The following ADRA1B variants were observed in gnomAD, a reference collection of about 807,000 sequenced individuals.
ADRA1B encodes the protein alpha-1B adrenergic receptor.
In ADRA1B, 17 loss-of-function variants were observed where a neutral mutation model predicts 17.9. The observed-to-expected ratio is 0.95, with a 90% CI of 0.65 to 1.42. ADRA1B has a LOEUF of 1.42. Among genes scored for constraint, ADRA1B ranks in the 40% most tolerant of loss-of-function variants. The probability of loss-of-function intolerance (pLI) is 0.00; values close to 1 mark genes in which losing one functional copy is unlikely to be tolerated. For synonymous variants in ADRA1B, 366 were observed against 327.6 expected (o/e 1.12, Z -1.27); for missense variants, 681 against 722.1 (o/e 0.94, Z 0.65).
chr5:159,988,591 A>T, the ADRA1B span, among the ~76,000 whole-genome samples: 3 of 152,222 alleles, frequency 2.0e-5, no homozygotes, highest in East Asian at 1.9e-4. Flanking sequence ...CTACAGAAGT[A>T]GATTTACTGA....
chr5:159,976,629 A>G (rs1015989084), downstream of ADRA1B, among the ~76,000 whole-genome samples: 3 of 151,626 alleles, frequency 2.0e-5, no homozygotes, highest in East Asian at 1.9e-4. Flanking sequence ...TAACTCCCAG[A>G]ACGAGTTATC....
intron 1 of ADRA1B, among the ~76,000 whole-genome samples, chr5:159,927,684 T>C (rs982171714): frequency 6.6e-6 from 1 of 152,184 alleles, no homozygotes; most frequent in Non-Finnish European, 1.5e-5. Flanking sequence ...AATAACCCTT[T>C]CTTATTTTCA....
chr5:159,878,162 C>T (rs1237239911), intron 1 of ADRA1B, among the ~76,000 whole-genome samples: 5 of 152,218 alleles, frequency 3.3e-5, no homozygotes, highest in African/African-American at 1.2e-4. Context: ...CCCAGCAGTC[C>T]TACAGTTGCC....
At chr5:159,973,235 T>C (rs1435566745), downstream of ADRA1B, among the ~76,000 whole-genome samples, 2 of 152,232 alleles carry the variant, frequency 1.3e-5, no homozygotes, top group Non-Finnish European at 2.9e-5. Context: ...CCTACAGGGC[T>C]GCACCAGTCT....
At position 159,939,310 on chromosome 5, in the gene ADRA1B, T is replaced by C. The variant is rs1197084292; in HGVS notation, c.949+21456T>C. On this transcript the variant is annotated intron_variant, in intron 1 of 1. Transcript: ENST00000306675. ...GTGTGTGTGTGTGTGTGTGTGTGTG[T>C]GTGTGTGTGTGTGCGCGCGCGCGCG... Among the ~76,000 whole-genome samples, 21 of 136,742 alleles carry C rather than the reference T, an allele frequency of 1.5e-4. No homozygotes were observed. In the East Asian group the frequency reaches 2.1e-3, roughly 13 times the overall value. 89.7% of individuals were successfully genotyped at this position (136,742 alleles called of 152,430 possible).
chr5:159,899,001 G>A (rs1039135435), intron 1 of ADRA1B, among the ~76,000 whole-genome samples: 5 of 152,022 alleles, frequency 3.3e-5, no homozygotes, highest in Non-Finnish European at 1.5e-5. Flanking sequence ...TTTTTAATTA[G>A]CCAAGTGTGG....
chr5:159,962,861 T>TTA (rs1442151612), intron 1 of ADRA1B, among the ~76,000 whole-genome samples: 1 of 144,104 alleles, frequency 6.9e-6, no homozygotes, highest in African/African-American at 2.6e-5. Context: ...TTTTTTTTTT[T>TTA]ACTTTTTGGC....
Position 159,950,437 on chromosome 5 carries a change from A to G in ADRA1B, c.950-21442A>G, listed in dbSNP as rs1755402258. On this transcript the variant is annotated intron_variant, in intron 1 of 1. Coordinates refer to ENST00000306675, the MANE Select transcript of ADRA1B (RefSeq NM_000679.4). ...CTGTGTGTGGCAGGGACTCCCCATC[A>G]GTGAGGGCTTCTCGCTTCCTCTCAT... The G allele has an allele frequency of 3.4e-6, 3 of 870,846 alleles. No homozygotes were observed. The African/African-American group carries it at 4.9e-5, about 14-fold the overall frequency. 53.9% of individuals were successfully genotyped at this position (870,846 alleles called of 1,614,324 possible).
At chr5:159,867,779 T>C (rs928710787) in intron 1 of ADRA1B, 1 of 152,222 alleles carries the variant, frequency 6.6e-6, no homozygotes, top group African/African-American at 2.4e-5. Flanking sequence ...AGAGTCCCTG[T>C]CATAATAGAG....
intron 1 of ADRA1B, among the ~76,000 whole-genome samples, chr5:159,966,417 T>G (rs1261735927): frequency 6.6e-6 from 1 of 152,170 alleles, no homozygotes; most frequent in Non-Finnish European, 1.5e-5. Context: ...AACTAAGGCT[T>G]AGGGACAGTA....
chr5:159,986,567 G>C, the ADRA1B span, among the ~76,000 whole-genome samples: 273 of 152,286 alleles, frequency 1.8e-3, no homozygotes, highest in Non-Finnish European at 3.5e-3. Flanking sequence ...ACTCAGAGAG[G>C]AGAAGAATCA....
At chr5:159,960,943 T>G (rs1038229577) in intron 1 of ADRA1B, among the ~76,000 whole-genome samples, 1 of 152,204 alleles carries the variant, frequency 6.6e-6, no homozygotes, top group Admixed American at 6.5e-5. Context: ...GAGTCAGACA[T>G]GAACCCTCTT....
chr5:159,880,309 A>G (rs745343539), intron 1 of ADRA1B, among the ~76,000 whole-genome samples: 1 of 152,224 alleles, frequency 6.6e-6, no homozygotes, highest in African/African-American at 2.4e-5. Context: ...GGAAACATTC[A>G]TTTACTGAAT....
At chr5:159,896,676 T>C (rs1239393278) in intron 1 of ADRA1B, among the ~76,000 whole-genome samples, 1 of 152,230 alleles carries the variant, frequency 6.6e-6, no homozygotes, top group East Asian at 1.9e-4. Flanking sequence ...ATCCTTGTTT[T>C]ATGATGTGAT....
intron 1 of ADRA1B, chr5:159,947,631 A>T (rs537851288): frequency 1.7e-4 from 142 of 852,450 alleles, no homozygotes; most frequent in Admixed American, 1.4e-3. Flanking sequence ...TTTCAAATTA[A>T]CGCTAAAGCT....
chr5:159,930,345 T>A (rs558501540), intron 1 of ADRA1B, among the ~76,000 whole-genome samples: 1 of 152,336 alleles, frequency 6.6e-6, no homozygotes, highest in Admixed American at 6.5e-5. Flanking sequence ...AACAAATAGG[T>A]TAGGCCGGGC....
chr5:159,865,166 C>T (rs1227502341), exon 1 of ADRA1B: 1 of 152,154 alleles, frequency 6.6e-6, no homozygotes. Context: ...GAGGGATCCT[C>T]ACAGAAACGG....
chr5:159,906,979 C>A (rs967056945), intron 1 of ADRA1B, among the ~76,000 whole-genome samples: 1 of 152,210 alleles, frequency 6.6e-6, no homozygotes, highest in Non-Finnish European at 1.5e-5. Flanking sequence ...GAGGTTCACA[C>A]GAGTCCCCCT....
At chr5:159,920,857 G>A (rs752867654) in intron 1 of ADRA1B, among the ~76,000 whole-genome samples, 16 of 152,126 alleles carry the variant, frequency 1.1e-4, no homozygotes, top group South Asian at 2.1e-4. Context: ...TAAATTTTCC[G>A]TGAAAACTTT....
Sources: gnomAD v4.1 joint callset for allele counts (sites outside exome capture counted in the v4.1 genomes callset) on GRCh38, gnomAD v4.1.1 for gene constraint, MANE v1.5 for transcripts, NCBI Gene and HGNC (gene_info 2026-07-23, HGNC 2026-07-21) for gene names.